Variants in IFT80 observed in about 807,000 individuals in gnomAD.
IFT80 encodes intraflagellar transport 80, also known as intraflagellar transport protein 80 homolog.
IFT80 carries 79 observed loss-of-function variants against 107.9 expected under a neutral mutation model. That is an observed-to-expected ratio of 0.73 (90% CI 0.61 to 0.88). IFT80 has a LOEUF of 0.88. IFT80 is among the 40% of genes least tolerant of loss of function. The pLI is 0.00. For synonymous variants in IFT80, 299 were observed against 300.9 expected (o/e 0.99, Z 0.07); for missense variants, 797 against 914.2 (o/e 0.87, Z 1.65).
intron 8 of IFT80, among the ~76,000 whole-genome samples, chr3:160,324,728 G>T (rs1206573906): frequency 6.6e-6 from 1 of 152,148 alleles, no homozygotes; most frequent in Admixed American, 6.6e-5. Flanking sequence ...ACAGGACAGG[G>T]ATGCCCTCTC....
intron 8 of IFT80, among the ~76,000 whole-genome samples, chr3:160,324,166 C>T (rs1415986861): frequency 6.6e-6 from 1 of 152,036 alleles, no homozygotes; most frequent in Non-Finnish European, 1.5e-5. Context: ...GAGTCCAGGA[C>T]CAGATGGATT....
intron 5 of IFT80, among the ~76,000 whole-genome samples, chr3:160,370,037 T>G (rs1440478013): frequency 6.6e-6 from 1 of 152,110 alleles, no homozygotes; most frequent in African/African-American, 2.4e-5. Context: ...GAAGGCATTT[T>G]AAACCACAGA....
At chr3:160,326,626 C>T (rs185171845) in intron 8 of IFT80, among the ~76,000 whole-genome samples, 1 of 152,076 alleles carries the variant, frequency 6.6e-6, no homozygotes, top group Non-Finnish European at 1.5e-5. Context: ...ATTCAACATC[C>T]CTTCATGTTA....
intron 19 of IFT80, among the ~76,000 whole-genome samples, chr3:160,261,657 T>G (rs1466628361): frequency 2.7e-5 from 4 of 150,742 alleles, no homozygotes; most frequent in African/African-American, 9.8e-5. Flanking sequence ...AAAATTTAGC[T>G]GGGCTTGGTG....
intron 8 of IFT80, among the ~76,000 whole-genome samples, chr3:160,331,935 G>C (rs1025436650): frequency 2.6e-5 from 4 of 152,168 alleles, no homozygotes; most frequent in Non-Finnish European, 5.9e-5. Flanking sequence ...GGGATTACAG[G>C]CATAAGCCAC....
At chr3:160,389,576 C>T (rs1225155080) in intron 1 of IFT80, among the ~76,000 whole-genome samples, 2 of 145,298 alleles carry the variant, frequency 1.4e-5, no homozygotes, top group East Asian at 2.1e-4. Flanking sequence ...TGAGAATATG[C>T]GGTGTTTGGT....
At chr3:160,315,453 C>T (rs528960070) in intron 9 of IFT80, among the ~76,000 whole-genome samples, 7 of 152,212 alleles carry the variant, frequency 4.6e-5, no homozygotes, top group African/African-American at 1.7e-4. Context: ...TAAGGGAAGC[C>T]CTCTGGGGAG....
At chr3:160,276,285 G>A (rs1285299552) in intron 18 of IFT80, among the ~76,000 whole-genome samples, 1 of 152,102 alleles carries the variant, frequency 6.6e-6, no homozygotes, top group African/African-American at 2.4e-5. Context: ...GAATAGTATA[G>A]ATCATTAGCC....
chr3:160,334,838 T>C (rs1328860552), intron 8 of IFT80, among the ~76,000 whole-genome samples: 1 of 152,090 alleles, frequency 6.6e-6, no homozygotes, highest in African/African-American at 2.4e-5. Flanking sequence ...TTTCCTTGTT[T>C]TCTAGAATGA....
At chr3:160,342,535 A>G (rs1320872562) in intron 8 of IFT80, 1 of 152,224 alleles carries the variant, frequency 6.6e-6, no homozygotes, top group Non-Finnish European at 1.5e-5. Flanking sequence ...TTTTAAAAGT[A>G]TCTCTTCAAT....
chr3:160,268,565 A>C (rs1187794495), intron 18 of IFT80, 29 bp from the exon 19 acceptor site: 7 of 1,609,388 alleles, frequency 4.3e-6, no homozygotes, highest in Non-Finnish European at 5.1e-6. Context: ...CAGATTATTA[A>C]CATTGTTTGT....
At chr3:160,389,436 C>T (rs931123876) in intron 1 of IFT80, among the ~76,000 whole-genome samples, 45 of 150,574 alleles carry the variant, frequency 3.0e-4, no homozygotes, top group African/African-American at 1.0e-3. Context: ...CCCATTAACT[C>T]GTCATTTAGC....
rs527298824 is a variant in IFT80, at chr3:160,354,665, A to G, written c.777+1348T>C. 6.6e-5 allele frequency among the ~76,000 whole-genome samples: 10 copies of G among 152,250 alleles called. No homozygotes were observed. The South Asian group carries it at 1.7e-3, about 25-fold the overall frequency. On this transcript the variant is annotated intron_variant, in intron 8 of 19. Transcript: ENST00000326448. ...AAGGCTCCGTCTCAAAAATAAATAA[A>G]TAAATAAAATAAAATAAAAAGAATG...
chr3:160,357,876 T>A (rs143385515), intron 6 of IFT80, among the ~76,000 whole-genome samples: 128 of 152,342 alleles, frequency 8.4e-4, no homozygotes, highest in Non-Finnish European at 1.7e-3. Context: ...AAGCCGGACA[T>A]TTGTACAATA....
intron 19 of IFT80, among the ~76,000 whole-genome samples, chr3:160,261,892 G>A (rs573008077): frequency 1.2e-4 from 18 of 151,708 alleles, no homozygotes; most frequent in South Asian, 2.1e-4. Flanking sequence ...AGAAGTACAC[G>A]GACGGCCCTG....
At chr3:160,293,124 A>G (rs6441307) in intron 12 of IFT80, among the ~76,000 whole-genome samples, 5,392 of 152,334 alleles carry the variant, frequency 0.035, 338 homozygotes, top group African/African-American at 0.12. Context: ...GTAAAATATT[A>G]CATTAATGCT....
intron 6 of IFT80, 118 bp from the exon 7 acceptor site, chr3:160,357,696 T>C: frequency 1.5e-6 from 1 of 655,286 alleles, no homozygotes; most frequent in Non-Finnish European, 2.7e-6. Flanking sequence ...CAGGGATTCC[T>C]ATCTTCCTTT....
chr3:160,320,571 GA>G (rs1195945493), intron 8 of IFT80, among the ~76,000 whole-genome samples: 1 of 151,184 alleles, frequency 6.6e-6, no homozygotes, highest in Non-Finnish European at 1.5e-5. Context: ...TAAGACATAA[GA>G]AAAAAACAAA....
chr3:160,301,292 C>T (rs1232190901), intron 11 of IFT80, among the ~76,000 whole-genome samples: 2 of 151,874 alleles, frequency 1.3e-5, no homozygotes, highest in African/African-American at 4.8e-5. Context: ...ATAATCACCA[C>T]CCTATACACT....
Sources: allele counts gnomAD v4.1 joint callset (sites outside exome capture counted in the v4.1 genomes callset), GRCh38; gene constraint gnomAD v4.1.1; transcripts MANE v1.5; gene names NCBI Gene and HGNC (gene_info 2026-07-23, HGNC 2026-07-21).